Variants in BCAT1 observed in about 807,000 individuals in gnomAD.
BCAT1 encodes branched chain amino acid transaminase 1.
BCAT1 carries 48 observed loss-of-function variants against 52.4 expected under a neutral mutation model. The ratio of observed to expected loss-of-function variants is 0.92; its 90% CI spans 0.73 to 1.16. The LOEUF (loss-of-function observed/expected upper bound fraction) is 1.16. Among genes scored for constraint, BCAT1 ranks in the 50% most tolerant of loss-of-function variants. The probability of loss-of-function intolerance (pLI) is 0.00; values close to 1 mark genes in which losing one functional copy is unlikely to be tolerated. For synonymous variants in BCAT1, 167 were observed against 161.3 expected (o/e 1.04, Z -0.27); for missense variants, 451 against 457.1 (o/e 0.99, Z 0.12).
At chr12:24,939,941 C>T (rs1591893380) in intron 1 of BCAT1, among the ~76,000 whole-genome samples, 1 of 152,184 alleles carries the variant, frequency 6.6e-6, no homozygotes, top group Non-Finnish European at 1.5e-5. Flanking sequence ...TAAAAGGCTT[C>T]AATTTTTTTC....
intron 1 of BCAT1, among the ~76,000 whole-genome samples, chr12:24,919,361 T>C (rs1565498957): frequency 2.0e-5 from 3 of 152,192 alleles, no homozygotes; most frequent in African/African-American, 7.2e-5. Context: ...CTGAGCTCAT[T>C]AGAAGATTTT....
intron 1 of BCAT1, among the ~76,000 whole-genome samples, chr12:24,906,683 C>T (rs760063551): frequency 2.2e-4 from 34 of 152,256 alleles, no homozygotes; most frequent in Admixed American, 3.9e-4. Flanking sequence ...ATTTGAAAAA[C>T]GGGACAGAGC....
At chr12:24,864,683 T>A (rs546882107) in intron 5 of BCAT1, among the ~76,000 whole-genome samples, 1 of 152,324 alleles carries the variant, frequency 6.6e-6, no homozygotes, top group East Asian at 1.9e-4. Context: ...CTTTAGCATC[T>A]ATCCCATTCC....
At chr12:24,917,360 T>G (rs750934870) in intron 1 of BCAT1, among the ~76,000 whole-genome samples, 7 of 152,174 alleles carry the variant, frequency 4.6e-5, no homozygotes, top group Non-Finnish European at 7.3e-5. Flanking sequence ...GTTTTTGTGT[T>G]TTTAGTAGAG....
chr12:24,901,951 C>T (rs1417371324), intron 1 of BCAT1, 66 bp from the exon 2 acceptor site: 11 of 1,612,760 alleles, frequency 6.8e-6, no homozygotes, highest in Non-Finnish European at 9.3e-6. Context: ...GGGTAACCTA[C>T]GTGACGCTCA....
At chr12:24,943,783 G>C (rs1228207551) in intron 1 of BCAT1, among the ~76,000 whole-genome samples, 1 of 151,934 alleles carries the variant, frequency 6.6e-6, no homozygotes, top group East Asian at 1.9e-4. Flanking sequence ...AGGAGATCAA[G>C]ACCTTCCTGG....
chr12:24,892,666 A>G (rs890050508), intron 3 of BCAT1, among the ~76,000 whole-genome samples: 1 of 151,972 alleles, frequency 6.6e-6, no homozygotes, highest in East Asian at 1.9e-4. Flanking sequence ...CAGCCTGGGC[A>G]ACATGGCAAA....
rs1939637048 is a variant in BCAT1, at chr12:24,810,165, A to G, written c.*7843T>C. On this transcript the variant is annotated 3_prime_UTR_variant, in exon 11 of 11. Coordinates refer to ENST00000261192, the MANE Select transcript of BCAT1 (RefSeq NM_005504.7). ...TGCATACAGACATAGCTAGAGAACA[A>G]GCCCAGTGATTATTCTACAGACCAT... 1 of 152,174 alleles carries G rather than the reference A, an allele frequency of 6.6e-6. No individual in the cohort carries two copies. Among genetic ancestry groups the G allele is most frequent in the Admixed American group, 6.5e-5 (1 of 15,280 alleles). 9.4% of individuals were successfully genotyped at this position (152,174 alleles called of 1,614,324 possible).
At chr12:24,836,412 G>T in intron 8 of BCAT1, 99 bp downstream of exon 8, 4 of 998,938 alleles carry the variant, frequency 4.0e-6, no homozygotes, top group Non-Finnish European at 6.0e-6. Context: ...AGATAACATT[G>T]GTTGGAACCA....
intron 2 of BCAT1, among the ~76,000 whole-genome samples, chr12:24,896,257 C>T (rs1942958193): frequency 6.6e-6 from 1 of 152,120 alleles, no homozygotes; most frequent in South Asian, 2.1e-4. Context: ...TTATTTTTAT[C>T]TTTGAATCCC....
At chr12:24,906,465 G>A (rs1591863860) in intron 1 of BCAT1, among the ~76,000 whole-genome samples, 1 of 149,488 alleles carries the variant, frequency 6.7e-6, no homozygotes, top group Non-Finnish European at 1.5e-5. Flanking sequence ...TGGCATAGAG[G>A]TGGTAACTGA....
intron 5 of BCAT1, among the ~76,000 whole-genome samples, chr12:24,864,404 G>A (rs1199758836): frequency 1.3e-5 from 2 of 152,176 alleles, no homozygotes; most frequent in African/African-American, 4.8e-5. Context: ...TGAGGAAGAA[G>A]ATATTGAGTC....
chr12:24,878,483 AATAAC>A, intron 5 of BCAT1, 42 bp downstream of exon 5: 1 of 1,555,572 alleles, frequency 6.4e-7, no homozygotes, highest in Non-Finnish European at 8.7e-7. Context: ...AATAAACAAT[AATAAC>A]TTGCCCAGCA....
In BCAT1 at chr12:24,829,339, G is replaced by C. The variant is rs544267748; in HGVS notation, c.1119+484C>G. On this transcript the variant is annotated intron_variant, in intron 10 of 10. Transcript: ENST00000261192. ...GCAGAGGTTGCAGTGAGCCAAGATC[G>C]TGCCATCGTACTCCAGCCTGGGCAA... 1.6e-4 allele frequency among the ~76,000 whole-genome samples: 25 copies of C among 152,056 alleles called. No individual in the cohort carries two copies. In the East Asian group the frequency reaches 4.6e-3, roughly 28 times the overall value.
At chr12:24,923,858 T>C (rs1225279644) in intron 1 of BCAT1, among the ~76,000 whole-genome samples, 1 of 152,190 alleles carries the variant, frequency 6.6e-6, no homozygotes, top group East Asian at 1.9e-4. Flanking sequence ...AATTAACAAA[T>C]ATCAGAGTGA....
Position 24,925,959 on chromosome 12 carries a change from G to A in BCAT1, c.6+22968C>T, listed in dbSNP as rs111659705. On this transcript the variant is annotated intron_variant, in intron 1 of 10. Coordinates refer to ENST00000261192, the MANE Select transcript of BCAT1 (RefSeq NM_005504.7). ...TCGCTACAACCTCCACCTCCCAGCCGCCTGCCTTGGCCTCCCAAAGTGCCG... is the reference window on the plus strand; with the variant it reads ...TCGCTACAACCTCCACCTCCCAGCCACCTGCCTTGGCCTCCCAAAGTGCCG... 2.1e-3 allele frequency among the ~76,000 whole-genome samples: 311 copies of A among 151,644 alleles called. 3 individuals carry two copies. The highest frequency in any genetic ancestry group is 8.5e-3 in the Admixed American group (130 of 15,260).
intron 1 of BCAT1, among the ~76,000 whole-genome samples, chr12:24,929,100 C>A (rs1362323380): frequency 6.6e-6 from 1 of 152,046 alleles, no homozygotes; most frequent in Non-Finnish European, 1.5e-5. Flanking sequence ...TGAAAGTGAC[C>A]ACCTTGACTA....
At chr12:24,863,498 C>T (rs1196047531) in intron 5 of BCAT1, among the ~76,000 whole-genome samples, 2 of 152,140 alleles carry the variant, frequency 1.3e-5, no homozygotes, top group African/African-American at 4.8e-5. Context: ...AATTATCATG[C>T]CAGTTATTTG....
chr12:24,914,290 T>A (rs1243405664), intron 1 of BCAT1, among the ~76,000 whole-genome samples: 1 of 152,050 alleles, frequency 6.6e-6, no homozygotes, highest in Non-Finnish European at 1.5e-5. Context: ...ACCATGTTGC[T>A]CTGGCTGGTC....
Sources: gnomAD v4.1 joint callset for allele counts (sites outside exome capture counted in the v4.1 genomes callset) on GRCh38, gnomAD v4.1.1 for gene constraint, MANE v1.5 for transcripts, NCBI Gene and HGNC (gene_info 2026-07-23, HGNC 2026-07-21) for gene names.